The following NRSN1 variants were observed in gnomAD, a reference collection of about 807,000 sequenced individuals.
NRSN1 encodes neurensin 1, also known as neurensin-1.
In NRSN1, 14 loss-of-function variants were observed where a neutral mutation model predicts 17.3. The observed-to-expected ratio is 0.81, with a 90% CI of 0.54 to 1.27. The LOEUF is 1.27. Ranked by LOEUF, NRSN1 falls within the 50% of genes most tolerant of loss-of-function variation. NRSN1 has a pLI of 0.00. For synonymous variants in NRSN1, 79 were observed against 94.2 expected (o/e 0.84, Z 0.93); for missense variants, 209 against 235.9 (o/e 0.89, Z 0.75).
Position 24,145,640 on chromosome 6 carries a change from C to G in NRSN1, c.282C>G (p.Gly94=). The G allele has an allele frequency of 1.9e-6, 3 of 1,613,928 alleles. No individual in the cohort carries two copies. The highest frequency in any genetic ancestry group is 2.5e-6 in the Non-Finnish European group (3 of 1,179,938). The change falls in exon 4 of 4, where the codon GGC becomes GGG. Residue 94 remains glycine, a synonymous_variant. Coordinates refer to ENST00000378491, the MANE Select transcript of NRSN1 (RefSeq NM_080723.5). The surrounding 1 kb of genome is among the most constrained non-coding windows in gnomAD (Gnocchi z 4.4). ...TGCCCCCCAAAATCGAAGCATTTGG[C>G]GAAGCCGATTTTGTGGTGGTCGACA... ...FLVPPKIEAF[G]EADFVVVDTH...
At chr6:24,136,283 T>C (rs1760117715) in intron 3 of NRSN1, among the ~76,000 whole-genome samples, 1 of 152,148 alleles carries the variant, frequency 6.6e-6, no homozygotes, top group African/African-American at 2.4e-5. Context: ...AGTTCTTAAA[T>C]GGGAAAAAAA....
chr6:24,132,621 G>A (rs1352347932), intron 2 of NRSN1, among the ~76,000 whole-genome samples: 1 of 152,098 alleles, frequency 6.6e-6, no homozygotes, highest in Non-Finnish European at 1.5e-5. Context: ...AAACAGTGTG[G>A]CAGCTATATT....
chr6:24,133,914 G>A (rs992243575), intron 2 of NRSN1, among the ~76,000 whole-genome samples: 2 of 152,054 alleles, frequency 1.3e-5, no homozygotes, highest in Admixed American at 6.6e-5. Flanking sequence ...TTGGCTCACT[G>A]CAAGCCCCAC....
chr6:24,132,764 T>C (rs1360183331), intron 2 of NRSN1, among the ~76,000 whole-genome samples: 1 of 152,176 alleles, frequency 6.6e-6, no homozygotes, highest in Non-Finnish European at 1.5e-5. Context: ...GCCATGGTGA[T>C]GTGTTGCACC....
intron 2 of NRSN1, among the ~76,000 whole-genome samples, chr6:24,130,926 C>T (rs568161513): frequency 9.9e-5 from 15 of 152,272 alleles, no homozygotes; most frequent in African/African-American, 3.4e-4. Context: ...AACCATAGCC[C>T]AGAGAGACTA....
chr6:24,138,941 T>C (rs1237360472), intron 3 of NRSN1, among the ~76,000 whole-genome samples: 3 of 152,238 alleles, frequency 2.0e-5, no homozygotes, highest in Non-Finnish European at 4.4e-5. Context: ...CAAACTAACA[T>C]GTACATTACC....
intron 3 of NRSN1, among the ~76,000 whole-genome samples, chr6:24,139,093 C>G (rs1035446238): frequency 1.3e-5 from 2 of 152,120 alleles, no homozygotes; most frequent in Non-Finnish European, 2.9e-5. Context: ...AATTTTGTAT[C>G]TTTTAAACAA....
chr6:24,131,300 A>G (rs1264822795), intron 2 of NRSN1, among the ~76,000 whole-genome samples: 1 of 152,236 alleles, frequency 6.6e-6, no homozygotes, highest in Non-Finnish European at 1.5e-5. Context: ...GAATGGCTGT[A>G]ATATATCACA....
intron 3 of NRSN1, among the ~76,000 whole-genome samples, chr6:24,136,454 C>G (rs1760119348): frequency 6.6e-6 from 1 of 152,134 alleles, no homozygotes; most frequent in Non-Finnish European, 1.5e-5. Flanking sequence ...TCTGATGAAT[C>G]CTTACTGGCT....
chr6:24,137,921 TAA>T (rs1306981197), intron 3 of NRSN1, among the ~76,000 whole-genome samples: 1 of 151,950 alleles, frequency 6.6e-6, no homozygotes, highest in African/African-American at 2.4e-5. Context: ...TTGCAAAAGC[TAA>T]GAGTCATGGG....
intron 3 of NRSN1, 60 bp downstream of exon 3, chr6:24,134,576 C>A: frequency 7.2e-7 from 1 of 1,382,854 alleles, no homozygotes; most frequent in South Asian, 1.2e-5. Context: ...ATGGTTAATA[C>A]TGCAGCTGTG....
Position 24,146,896 on chromosome 6 carries a change from C to A in NRSN1, c.*950C>A, listed in dbSNP as rs1760316324. On this transcript the variant is annotated 3_prime_UTR_variant, in exon 4 of 4. Transcript: ENST00000378491. ...TATTTAACCTCTCAGTCCTAATTTT[C>A]CCCTTCTGTATAATGGGAGTTCTGG... The A allele has an allele frequency of 6.6e-6, 1 of 152,234 alleles. No individual in the cohort carries two copies. The highest frequency in any genetic ancestry group is 6.5e-5 in the Admixed American group (1 of 15,274). The allele number at this position is 152,234 out of a possible 1,614,324, so 9.4% of individuals were successfully genotyped here. A position where few individuals can be genotyped will look rare whatever the true frequency, so the allele number is the denominator to read the frequency against.
intron 1 of NRSN1, among the ~76,000 whole-genome samples, chr6:24,127,562 A>T (rs956681720): frequency 8.5e-5 from 13 of 152,224 alleles, no homozygotes; most frequent in Non-Finnish European, 1.8e-4. Context: ...TGCTTTTCTT[A>T]GGCAGCTGGA....
chr6:24,134,838 T>C (rs1760092732), intron 3 of NRSN1, among the ~76,000 whole-genome samples: 1 of 152,168 alleles, frequency 6.6e-6, no homozygotes, highest in Non-Finnish European at 1.5e-5. Flanking sequence ...TTATATTCTT[T>C]CAGCCTTCCT....
chr6:24,138,434 A>G (rs1264051926), intron 3 of NRSN1, among the ~76,000 whole-genome samples: 1 of 152,174 alleles, frequency 6.6e-6, no homozygotes, highest in Non-Finnish European at 1.5e-5. Flanking sequence ...TTGTCCACGC[A>G]GCAAACAGCG....
At chr6:24,129,145 A>G (rs147243334) in intron 2 of NRSN1, 1 of 152,340 alleles carries the variant, frequency 6.6e-6, no homozygotes, top group Non-Finnish European at 1.5e-5. Flanking sequence ...CTAATACAGG[A>G]ATTATTCAAG....
intron 3 of NRSN1, among the ~76,000 whole-genome samples, chr6:24,138,959 C>CT (rs1468227639): frequency 6.6e-6 from 1 of 152,170 alleles, no homozygotes; most frequent in African/African-American, 2.4e-5. Flanking sequence ...ACCTCACATC[C>CT]TTTTTTGTGG....
At chr6:24,130,600 C>CACG (rs1294475831) in intron 2 of NRSN1, among the ~76,000 whole-genome samples, 9 of 152,016 alleles carry the variant, frequency 5.9e-5, no homozygotes, top group Non-Finnish European at 8.8e-5. Flanking sequence ...CTCGGGGATC[C>CACG]TATTTTAGGC....
At chr6:24,138,034 T>C (rs184548569) in intron 3 of NRSN1, among the ~76,000 whole-genome samples, 9 of 152,248 alleles carry the variant, frequency 5.9e-5, no homozygotes, top group Admixed American at 5.2e-4. Flanking sequence ...TGGGAATGCA[T>C]ACAAAAGCCA....
Sources: allele counts gnomAD v4.1 joint callset (sites outside exome capture counted in the v4.1 genomes callset), GRCh38; gene constraint gnomAD v4.1.1; non-coding constraint Gnocchi (gnomAD v3.1); transcripts MANE v1.5; gene names NCBI Gene and HGNC (gene_info 2026-07-23, HGNC 2026-07-21).